ARMC8: variants seen among roughly 807,000 people sequenced by gnomAD.
The protein encoded by ARMC8 is armadillo repeat containing 8, also known as armadillo repeat-containing protein 8.
A neutral mutation model predicts 99.3 loss-of-function variants in ARMC8; 20 were observed. The observed-to-expected ratio is 0.20, with a 90% confidence interval of 0.14 to 0.29. ARMC8 has a LOEUF of 0.29. Ranked by LOEUF, ARMC8 falls within the 10% of genes least tolerant of loss-of-function variation. The pLI, the probability that ARMC8 is intolerant of heterozygous loss-of-function variation, is 1.00. For missense variants in ARMC8, 569 were observed against 809.5 expected, an observed-to-expected ratio of 0.70 and a Z score of 3.60; for synonymous variants, 263 against 278.3, an observed-to-expected ratio of 0.95 and a Z score of 0.55.
At chr3:138,188,546 G>A (rs752487863) in intron 1 of ARMC8, 24 of 1,613,856 alleles carry the variant, frequency 1.5e-5, no homozygotes, top group Non-Finnish European at 2.0e-5. Context: ...TTTACCAATG[G>A]TTCATTTGCT....
In ARMC8 at chr3:138,295,967, T is replaced by G; in HGVS notation, c.*75T>G. 1.3e-6 allele frequency: 2 copies of G among 1,521,306 alleles called. No individual in the cohort carries two copies. The highest frequency in any genetic ancestry group is 1.2e-5 in the South Asian group (1 of 84,198). The allele number at this position is 1,521,306 out of a possible 1,614,324, so 94.2% of individuals were successfully genotyped here. On this transcript the variant is annotated 3_prime_UTR_variant, in exon 22 of 22. Coordinates refer to ENST00000469044, the MANE Select transcript of ARMC8 (RefSeq NM_001363941.2). ...AGTACAGGAACCAGCCTCATTTGAT[T>G]CCTTCTATTTGCACAAGTCACCTTG...
rs771094197 is a variant in ARMC8, at chr3:138,223,383, T to C, written c.195-6T>C. 2 of 1,612,158 alleles carry C rather than the reference T, an allele frequency of 1.2e-6. No individual in the cohort carries two copies. Among genetic ancestry groups the C allele is most frequent in the Non-Finnish European group, 8.5e-7 (1 of 1,179,518 alleles). ...TCTCTTCGTTTATTAAGTTCCTTCTTTTTAGATTGTTGTACTTGCTTCAGC... is the reference window on the plus strand; with the variant it reads ...TCTCTTCGTTTATTAAGTTCCTTCTCTTTAGATTGTTGTACTTGCTTCAGC... On this transcript the variant is annotated splice_polypyrimidine_tract_variant and splice_region_variant and intron_variant, in intron 3 of 21. Transcript: ENST00000469044.
At position 138,223,673 on chromosome 3, in the gene ARMC8, C is replaced by T; in HGVS notation, c.375C>T (p.Cys125=). The T allele has an allele frequency of 6.2e-7, 1 of 1,614,180 alleles. No homozygotes were observed. The change falls in exon 5 of 22, where the codon TGC becomes TGT. Residue 125 remains cysteine (C), a synonymous_variant. Coordinates refer to ENST00000469044, the MANE Select transcript of ARMC8 (RefSeq NM_001363941.2). The part of the protein sequence containing the change: ...LSPDLKFIEA[C]LRCLRTIFTS... The stretch of plus-strand genomic sequence containing the variant: ...CAGACCTGAAGTTTATTGAAGCTTG[C>T]CTCCGATGCCTGCGTACCATCTTCA...
chr3:138,294,331 G>T (rs2051266748), intron 21 of ARMC8, among the ~76,000 whole-genome samples: 1 of 152,184 alleles, frequency 6.6e-6, no homozygotes, highest in Non-Finnish European at 1.5e-5. Context: ...CAGGGTCCCA[G>T]AGCTCCCGCC....
intron 12 of ARMC8, chr3:138,261,400 TA>T (rs2047729270): frequency 6.6e-6 from 1 of 151,938 alleles, no homozygotes; most frequent in Non-Finnish European, 1.5e-5. Context: ...TAGCCAAGGC[TA>T]GGGGGTGGGA....
intron 21 of ARMC8, among the ~76,000 whole-genome samples, chr3:138,291,927 A>C (rs1007673076): frequency 2.0e-5 from 3 of 152,242 alleles, no homozygotes; most frequent in African/African-American, 7.2e-5. Flanking sequence ...AGGTAAGGTA[A>C]GGACTTTGGC....
At chr3:138,289,383 GGA>G (rs2050732631) in intron 20 of ARMC8, among the ~76,000 whole-genome samples, 1 of 152,222 alleles carries the variant, frequency 6.6e-6, no homozygotes. Flanking sequence ...GTCCCTGCCA[GGA>G]GAGAGCTGAT....
chr3:138,287,634 A>G (rs969550599), intron 19 of ARMC8: 5 of 456,558 alleles, frequency 1.1e-5, no homozygotes, highest in African/African-American at 1.0e-4. Context: ...GTCTTAAGGG[A>G]GCCCAAACTG....
intron 5 of ARMC8, among the ~76,000 whole-genome samples, chr3:138,225,514 T>C (rs1466442495): frequency 6.6e-6 from 1 of 152,212 alleles, no homozygotes; most frequent in African/African-American, 2.4e-5. Context: ...AACACTCTTA[T>C]TCACAGTTCA....
At chr3:138,250,866 G>A (rs1214421370) in intron 12 of ARMC8, among the ~76,000 whole-genome samples, 1 of 152,114 alleles carries the variant, frequency 6.6e-6, no homozygotes, top group Admixed American at 6.6e-5. Flanking sequence ...AAGATTGCTG[G>A]CTGGGCATGG....
intron 5 of ARMC8, among the ~76,000 whole-genome samples, chr3:138,226,111 G>A (rs2045682987): frequency 6.6e-6 from 1 of 152,102 alleles, no homozygotes; most frequent in South Asian, 2.1e-4. Context: ...TCCTGCCTTA[G>A]CCTCCCAAGT....
At chr3:138,190,281 C>CTTTTTTTTTTTTTTTTTT (rs141579108) in intron 1 of ARMC8, among the ~76,000 whole-genome samples, 1 of 114,370 alleles carries the variant, frequency 8.7e-6, no homozygotes, top group Admixed American at 8.8e-5. Context: ...ATTTTCTTAT[C>CTTTTTTTTTTTTTTTTTT]TTTTTTTTTT....
intron 20 of ARMC8, 100 bp from the exon 21 acceptor site, chr3:138,290,446 G>C: frequency 1.2e-6 from 1 of 830,004 alleles, no homozygotes; most frequent in South Asian, 1.6e-5. Flanking sequence ...AGGAGGAGTA[G>C]GGAGTGAAGG....
At position 138,225,161 on chromosome 3, in the gene ARMC8, G is replaced by C. The variant is rs1339617147; in HGVS notation, c.435+1428G>C. ...GTGTCTCTCTCACCGAGGCTGGAGT[G>C]CAGTGGAGGAATCTCGGCCCTGCAA... On this transcript the variant is annotated intron_variant, in intron 5 of 21. Transcript: ENST00000469044. Among the ~76,000 whole-genome samples the C allele has an allele frequency of 2.1e-5, 3 of 141,096 alleles. No homozygotes were observed. The East Asian group carries it at 6.8e-4, about 32-fold the overall frequency. 92.6% of individuals were successfully genotyped at this position (141,096 alleles called of 152,430 possible). A position where few individuals can be genotyped will look rare whatever the true frequency, so the allele number is the denominator to read the frequency against.
intron 12 of ARMC8, 56 bp downstream of exon 12, chr3:138,245,239 C>A (rs371795830): frequency 3.7e-6 from 6 of 1,614,074 alleles, no homozygotes; most frequent in Non-Finnish European, 3.4e-6. Context: ...CAGGGAGTGA[C>A]GTCAACCTGA....
At chr3:138,197,736 A>C (rs1382520038) in intron 1 of ARMC8, among the ~76,000 whole-genome samples, 1 of 152,188 alleles carries the variant, frequency 6.6e-6, no homozygotes, top group East Asian at 1.9e-4. Flanking sequence ...ATGCTGTCTC[A>C]CACAGTGGGT....
intron 1 of ARMC8, among the ~76,000 whole-genome samples, chr3:138,188,696 C>T (rs919185774): frequency 3.3e-5 from 5 of 152,136 alleles, no homozygotes; most frequent in Non-Finnish European, 5.9e-5. Flanking sequence ...TTTCTTTTCT[C>T]TTCTCTGACT....
At chr3:138,204,089 G>T (rs1429350120) in intron 1 of ARMC8, among the ~76,000 whole-genome samples, 2 of 152,124 alleles carry the variant, frequency 1.3e-5, no homozygotes, top group African/African-American at 4.8e-5. Flanking sequence ...AATCTGAAGA[G>T]AACTTTCACA....
Position 138,252,492 on chromosome 3 carries a change from C to T in ARMC8, c.1134+7309C>T, listed in dbSNP as rs563153102. 3.3e-3 allele frequency among the ~76,000 whole-genome samples: 483 copies of T among 145,256 alleles called. 5 individuals are homozygous for T. The highest frequency in any genetic ancestry group is 0.011 in the African/African-American group (428 of 38,384). ...TTTTTGAGACGGGGTCTCGCACTGTCGCCCAGGCTGGAGTGCTGTGGCACG... is the reference window on the plus strand; with the variant it reads ...TTTTTGAGACGGGGTCTCGCACTGTTGCCCAGGCTGGAGTGCTGTGGCACG... On this transcript the variant is annotated intron_variant, in intron 12 of 21. Transcript: ENST00000469044.
Sources: gnomAD v4.1 joint callset for allele counts (sites outside exome capture counted in the v4.1 genomes callset) on GRCh38, gnomAD v4.1.1 for gene constraint, MANE v1.5 for transcripts, NCBI Gene and HGNC (gene_info 2026-07-23, HGNC 2026-07-21) for gene names.